Variants in SIN3A observed in about 807,000 individuals in gnomAD.
The protein encoded by SIN3A is paired amphipathic helix protein Sin3a.
A neutral mutation model predicts 146.1 loss-of-function variants in SIN3A; 14 were observed. The observed-to-expected ratio is 0.10, with a 90% CI of 0.06 to 0.15. SIN3A has a LOEUF of 0.15. Among genes scored for constraint, SIN3A ranks in the 10% least tolerant of loss-of-function variants. The pLI is 1.00. For synonymous variants in SIN3A, 572 were observed against 572.0 expected, an observed-to-expected ratio of 1.00 and a Z score of 0.00; for missense variants, 1,028 against 1,576.0, an observed-to-expected ratio of 0.65 and a Z score of 5.89.
chr15:75,406,997 A>G, intron 9 of SIN3A, 58 bp downstream of exon 9: 1 of 1,226,702 alleles, frequency 8.2e-7, no homozygotes, highest in Non-Finnish European at 1.2e-6. Context: ...CAGGGGGATA[A>G]GATGATTTTC....
rs574478495 is a variant in SIN3A at position 75,439,135 on chromosome 15, C to T, written c.-33-8727G>A. 3.3e-5 allele frequency among the ~76,000 whole-genome samples: 5 copies of T among 152,076 alleles called. No homozygotes were observed. The South Asian group carries it at 8.3e-4, about 25-fold the overall frequency. On this transcript the variant is annotated intron_variant, in intron 1 of 20. Transcript: ENST00000394947. ...GGGGAGATTCTGCCTCCCAAGGGCA[C>T]ATGTAGTAATGATGGAAGACATTTT...
intron 9 of SIN3A, 35 bp from the exon 10 acceptor site, chr15:75,402,005 T>C: frequency 7.1e-7 from 1 of 1,417,596 alleles, no homozygotes; most frequent in South Asian, 1.2e-5. Flanking sequence ...ACAGTTTTTG[T>C]TTTTCTTAAA....
intron 15 of SIN3A, among the ~76,000 whole-genome samples, chr15:75,390,690 C>G (rs2073183796): frequency 6.6e-6 from 1 of 152,188 alleles, no homozygotes; most frequent in Non-Finnish European, 1.5e-5. Context: ...TAAAAATTCA[C>G]TGAGCTGCAC....
Position 75,438,743 on chromosome 15 carries a change from AAAAAT to A in SIN3A, c.-33-8340_-33-8336del, listed in dbSNP as rs2074148951. On this transcript the variant is annotated intron_variant, in intron 1 of 20. Coordinates refer to ENST00000394947, the MANE Select transcript of SIN3A (RefSeq NM_001145358.2). ...TGTTTAAATGCATACTCTTAGAACA[AAAAAT>A]AAAATAAATAAATGCATACTCTTTT... Among the ~76,000 whole-genome samples, 9 of 152,298 alleles carry A rather than the reference AAAAAT, an allele frequency of 5.9e-5. No homozygotes were observed. The South Asian group carries it at 1.9e-3, about 32-fold the overall frequency.
Position 75,439,799 on chromosome 15 carries a change from C to A in SIN3A, c.-33-9391G>T, listed in dbSNP as rs559948589. Among the ~76,000 whole-genome samples the A allele has an allele frequency of 4.6e-5, 7 of 152,168 alleles. No individual in the cohort carries two copies. The South Asian group carries it at 1.5e-3, about 32-fold the overall frequency. On this transcript the variant is annotated intron_variant, in intron 1 of 20. Transcript: ENST00000394947. The stretch of plus-strand genomic sequence containing the variant: ...TCTCTTAGGCTTGATCTGTAAAACT[C>A]TTCTGACTCAAAATTTTAGAGCTTT...
chr15:75,450,554 G>A (rs566735189), intron 1 of SIN3A, among the ~76,000 whole-genome samples: 3 of 152,306 alleles, frequency 2.0e-5, no homozygotes, highest in Admixed American at 6.5e-5. Flanking sequence ...TGGGCACTTC[G>A]CCCCAATAGT....
Position 75,395,328 on chromosome 15 carries a change from C to CA in SIN3A, c.2094-466dup, listed in dbSNP as rs569247092. On this transcript the variant is annotated intron_variant, in intron 13 of 20. Coordinates refer to ENST00000394947, the MANE Select transcript of SIN3A (RefSeq NM_001145358.2). ...TAACCCAGAAGAGAACAGACTAAGA[C>CA]AAAAAAAAGCACTAAAACTGAAGAA... Among the ~76,000 whole-genome samples the CA allele has an allele frequency of 5.1e-3, 770 of 151,492 alleles. 3 individuals are homozygous for CA. The highest frequency in any genetic ancestry group is 0.018 in the African/African-American group (723 of 41,278).
At position 75,439,497 on chromosome 15, in the gene SIN3A, C is replaced by T. The variant is rs534743682; in HGVS notation, c.-33-9089G>A. Among the ~76,000 whole-genome samples the T allele has an allele frequency of 5.9e-5, 9 of 152,096 alleles. No individual in the cohort carries two copies. In the East Asian group the frequency reaches 9.7e-4, roughly 16 times the overall value. Reference sequence around the variant, plus strand: ...CTGGGACTACAGGCGCCTGCCACCACGCCTGGCTAATTTTTTTTTTGTATT... The same window carrying T: ...CTGGGACTACAGGCGCCTGCCACCATGCCTGGCTAATTTTTTTTTTGTATT... On this transcript the variant is annotated intron_variant, in intron 1 of 20. Coordinates refer to ENST00000394947, the MANE Select transcript of SIN3A (RefSeq NM_001145358.2).
At chr15:75,403,001 G>A (rs760614530) in intron 9 of SIN3A, among the ~76,000 whole-genome samples, 4 of 152,136 alleles carry the variant, frequency 2.6e-5, no homozygotes, top group Admixed American at 1.3e-4. Flanking sequence ...AGGTATCTGC[G>A]ATTTGTCTCC....
rs372189103 is a variant in SIN3A, at chr15:75,422,699, G to A, written c.314C>T (p.Pro105Leu). The A allele has an allele frequency of 3.1e-6, 5 of 1,614,204 alleles. No homozygotes were observed. Among genetic ancestry groups the A allele is most frequent in the Non-Finnish European group, 4.2e-6 (5 of 1,180,034 alleles). ...CTGCACTGGTGCAACTGGTGGGGCT[G>A]GATGAGCATGACTCTGGACCACCTG... ...GGQVVQSHAH[P>L]APPVAPVQGQ... is the part of the protein sequence containing the mutation. Residue 105 changes from proline to leucine, a missense_variant, in exon 3 of 21, where the codon CCA becomes CTA. This residue lies in a region of SIN3A where 152 missense variants were observed against 231.5 expected (regional missense o/e 0.66). Transcript: ENST00000394947.
At chr15:75,444,794 G>C (rs1437994609) in intron 1 of SIN3A, among the ~76,000 whole-genome samples, 3 of 152,176 alleles carry the variant, frequency 2.0e-5, no homozygotes, top group Non-Finnish European at 4.4e-5. Flanking sequence ...TATCAATGTT[G>C]ATTTTCTGAT....
At chr15:75,417,684 TAG>T (rs1359777877) in intron 3 of SIN3A, among the ~76,000 whole-genome samples, 1 of 152,100 alleles carries the variant, frequency 6.6e-6, no homozygotes, top group Non-Finnish European at 1.5e-5. Context: ...TGGCCAGGCA[TAG>T]ATAGTCTTTT....
At chr15:75,392,027 G>C (rs932546737) in intron 15 of SIN3A, among the ~76,000 whole-genome samples, 4 of 152,180 alleles carry the variant, frequency 2.6e-5, no homozygotes, top group African/African-American at 9.7e-5. Flanking sequence ...CACTGACCAA[G>C]TGTCCATGAT....
rs1047246035 is a variant in SIN3A, at chr15:75,371,226, G to C, written c.*753C>G. 1 of 152,450 alleles carries C rather than the reference G, an allele frequency of 6.6e-6. No homozygotes were observed. The highest frequency in any genetic ancestry group is 6.5e-5 in the Admixed American group (1 of 15,270). The allele number at this position is 152,450 out of a possible 1,614,324, so 9.4% of individuals were successfully genotyped here. On this transcript the variant is annotated 3_prime_UTR_variant, in exon 21 of 21. Coordinates refer to ENST00000394947, the MANE Select transcript of SIN3A (RefSeq NM_001145358.2). Reference sequence around the variant, plus strand: ...AAGTTAAAATTGTGTGTGTGTGTGCGTGTGTGTGTCAGAGAGTAAAGCTGG... The same window carrying C: ...AAGTTAAAATTGTGTGTGTGTGTGCCTGTGTGTGTCAGAGAGTAAAGCTGG...
At chr15:75,402,037 C>CGCGA in intron 9 of SIN3A, 67 bp from the exon 10 acceptor site, 1 of 986,398 alleles carries the variant, frequency 1.0e-6, no homozygotes, top group Non-Finnish European at 1.6e-6. Flanking sequence ...AAAAGGGCCT[C>CGCGA]GCTCTGTCGC....
intron 6 of SIN3A, 80 bp from the exon 7 acceptor site, chr15:75,410,366 G>C: frequency 7.2e-7 from 1 of 1,384,340 alleles, no homozygotes; most frequent in Non-Finnish European, 1.0e-6. Flanking sequence ...TGGAATCACT[G>C]TTATCTATTT....
At chr15:75,440,930 T>C (rs1270270397) in intron 1 of SIN3A, among the ~76,000 whole-genome samples, 1 of 136,554 alleles carries the variant, frequency 7.3e-6, no homozygotes, top group East Asian at 2.1e-4. Flanking sequence ...TGCAGTGAGC[T>C]GAGATCGCGC....
At chr15:75,445,410 C>T (rs1176728160) in intron 1 of SIN3A, among the ~76,000 whole-genome samples, 1 of 139,718 alleles carries the variant, frequency 7.2e-6, no homozygotes, top group Admixed American at 7.1e-5. Flanking sequence ...AAAAAATTAG[C>T]CAGGCATGGT....
At chr15:75,446,864 C>T (rs1258381537) in intron 1 of SIN3A, among the ~76,000 whole-genome samples, 2 of 152,142 alleles carry the variant, frequency 1.3e-5, no homozygotes, top group East Asian at 1.9e-4. Context: ...CTCCACCTCC[C>T]GGGTTCACAC....
Sources: gnomAD v4.1 joint callset for allele counts (sites outside exome capture counted in the v4.1 genomes callset) on GRCh38, gnomAD v4.1.1 for gene constraint, gnomAD v4.1.1 regional missense constraint, MANE v1.5 for transcripts, NCBI Gene and HGNC (gene_info 2026-07-23, HGNC 2026-07-21) for gene names.